The following ANAPC13 variants were observed in gnomAD, a reference collection of about 807,000 sequenced individuals.
ANAPC13 encodes the protein anaphase promoting complex subunit 13, also known as anaphase-promoting complex subunit 13.
Under a neutral mutation model 9.6 loss-of-function variants are expected in ANAPC13, and 9 were observed. The observed-to-expected ratio is 0.94, with a 90% CI of 0.57 to 1.64. The LOEUF (loss-of-function observed/expected upper bound fraction) is 1.64, where lower values mean the gene tolerates loss of function less well. Among genes scored for constraint, ANAPC13 ranks in the 40% most tolerant of loss-of-function variants. The probability of loss-of-function intolerance (pLI) is 0.00; values close to 1 mark genes in which losing one functional copy is unlikely to be tolerated. For synonymous variants in ANAPC13, 30 were observed against 29.7 expected (o/e 1.01, Z -0.03); for missense variants, 75 against 85.3 (o/e 0.88, Z 0.48).
Position 134,478,050 on chromosome 3 carries a change from T to C in ANAPC13, c.*540A>G, listed in dbSNP as rs1203438248. 3 of 152,328 alleles carry C rather than the reference T, an allele frequency of 2.0e-5. No individual in the cohort carries two copies. The highest frequency in any genetic ancestry group is 7.2e-5 in the African/African-American group (3 of 41,468). The allele number at this position is 152,328 out of a possible 1,614,324, so 9.4% of individuals were successfully genotyped here. On this transcript the variant is annotated 3_prime_UTR_variant, in exon 3 of 3. Transcript: ENST00000354910. ...AACAGAGATTAACTGTCAGATATCT[T>C]TCTAATCTGTAAATTTATCCAAAGT...
intron 1 of ANAPC13, among the ~76,000 whole-genome samples, chr3:134,484,505 C>T (rs6772896): frequency 0.68 from 104,186 of 152,150 alleles, 35,946 homozygotes; most frequent in East Asian, 0.82. Context: ...AAAGGGTTTA[C>T]ACCCCCATGA....
At chr3:134,478,760 T>C in intron 2 of ANAPC13, 45 bp from the exon 3 acceptor site, 1 of 1,606,572 alleles carries the variant, frequency 6.2e-7, no homozygotes, top group Non-Finnish European at 8.5e-7. Context: ...ATATTCTGCA[T>C]CTTCTTGGAA....
chr3:134,480,591 G>A (rs912874050), intron 2 of ANAPC13, among the ~76,000 whole-genome samples: 6 of 152,210 alleles, frequency 3.9e-5, no homozygotes, highest in Non-Finnish European at 5.9e-5. Flanking sequence ...AAGCTCTGCC[G>A]TTTCCTCTCA....
intron 1 of ANAPC13, chr3:134,483,347 T>G (rs1168770960): frequency 6.1e-6 from 1 of 165,040 alleles, no homozygotes; most frequent in Non-Finnish European, 1.3e-5. Context: ...CTCAGCATTC[T>G]TAGGCACAGG....
chr3:134,481,209 G>A, intron 2 of ANAPC13, among the ~76,000 whole-genome samples: 1 of 152,202 alleles, frequency 6.6e-6, no homozygotes, highest in East Asian at 1.9e-4. Flanking sequence ...AGCCAAATCT[G>A]AGCATAGCAG....
intron 2 of ANAPC13, among the ~76,000 whole-genome samples, chr3:134,481,700 A>G (rs1354489100): frequency 6.6e-6 from 1 of 152,244 alleles, no homozygotes; most frequent in East Asian, 1.9e-4. Context: ...GAATGAATGA[A>G]CAGAAGTTCA....
rs1934650550 is a variant in ANAPC13, at chr3:134,478,054, A to C, written c.*536T>G. 1 of 152,326 alleles carries C rather than the reference A, an allele frequency of 6.6e-6. No homozygotes were observed. The highest frequency in any genetic ancestry group is 1.5e-5 in the Non-Finnish European group (1 of 68,104). 9.4% of individuals were successfully genotyped at this position (152,326 alleles called of 1,614,324 possible). A position where few individuals can be genotyped will look rare whatever the true frequency, so the allele number is the denominator to read the frequency against. On this transcript the variant is annotated 3_prime_UTR_variant, in exon 3 of 3. Transcript: ENST00000354910. ...GAGATTAACTGTCAGATATCTTTCT[A>C]ATCTGTAAATTTATCCAAAGTTTGA...
intron 2 of ANAPC13, 28 bp from the exon 3 acceptor site, chr3:134,478,743 C>T (rs1559829058): frequency 6.2e-7 from 1 of 1,612,798 alleles, no homozygotes; most frequent in East Asian, 2.2e-5. Flanking sequence ...AAATTCAGAA[C>T]AGTAATATAT....
Position 134,483,613 on chromosome 3 carries a change from C to A in ANAPC13, c.-27-682G>T, listed in dbSNP as rs544937415. Among the ~76,000 whole-genome samples the A allele has an allele frequency of 9.2e-5, 14 of 152,338 alleles. No individual in the cohort carries two copies. The South Asian group carries it at 2.9e-3, about 32-fold the overall frequency. On this transcript the variant is annotated intron_variant, in intron 1 of 2. Transcript: ENST00000354910. ...TAGCTCCTTGACCATGGCTGATTCC[C>A]CATTTTTCTCTGAAACTGCTATAAT...
At chr3:134,485,991 G>GCCCCCCCCCCC (rs5852785), upstream of ANAPC13, 169 of 940,368 alleles carry the variant, frequency 1.8e-4, 5 homozygotes, top group African/African-American at 1.8e-3. Context: ...CTCCTGCCAC[G>GCCCCCCCCCCC]CCCCCCCCCC....
At chr3:134,481,342 C>A (rs1934729805) in intron 2 of ANAPC13, among the ~76,000 whole-genome samples, 1 of 152,202 alleles carries the variant, frequency 6.6e-6, no homozygotes, top group South Asian at 2.1e-4. Flanking sequence ...CAAATGTATT[C>A]TTCATCCACA....
rs1934767390 is a variant in ANAPC13, at chr3:134,482,837, T to C, written c.68A>G (p.Lys23Arg). ...DLIDDAWRED[K>R]LPYEDVAIPL... ...TATTGCGACATCCTCATAAGGCAGC[T>C]TGTCTTCTCGCCAAGCATCATCAAT... is the stretch of plus-strand genomic sequence containing the variant. The change falls in exon 2 of 3, where the codon AAG (lysine) becomes AGG (arginine). Residue 23 changes from lysine (K) to arginine (R), a missense_variant. By Grantham distance (26) the Lys-to-Arg change is conservative. Coordinates refer to ENST00000354910, the MANE Select transcript of ANAPC13 (RefSeq NM_015391.4). 1 of 1,614,212 alleles carries C rather than the reference T, an allele frequency of 6.2e-7. No homozygotes were observed. The highest frequency in any genetic ancestry group is 8.5e-7 in the Non-Finnish European group (1 of 1,180,034).
intron 1 of ANAPC13, among the ~76,000 whole-genome samples, chr3:134,484,000 C>T (rs977717447): frequency 6.6e-5 from 10 of 152,186 alleles, no homozygotes; most frequent in African/African-American, 2.4e-4. Context: ...TTCGCATAGT[C>T]CAGTTTAGTG....
intron 2 of ANAPC13, among the ~76,000 whole-genome samples, chr3:134,480,035 A>G (rs1194356603): frequency 6.6e-6 from 1 of 152,254 alleles, no homozygotes; most frequent in East Asian, 1.9e-4. Flanking sequence ...CTCTAAAATT[A>G]TGCTCAATAT....
chr3:134,480,383 A>C (rs1340032002), intron 2 of ANAPC13, among the ~76,000 whole-genome samples: 3 of 152,222 alleles, frequency 2.0e-5, no homozygotes, highest in Non-Finnish European at 4.4e-5. Context: ...ATATGCCTGG[A>C]AAACAAAAAC....
intron 1 of ANAPC13, 176 bp from the exon 2 acceptor site, chr3:134,483,107 A>G (rs1934775870): frequency 5.0e-6 from 3 of 599,528 alleles, no homozygotes; most frequent in East Asian, 2.8e-5. Flanking sequence ...CAACTGATAC[A>G]TATTTTATAG....
chr3:134,484,309 G>A (rs1379201088), intron 1 of ANAPC13, among the ~76,000 whole-genome samples: 3 of 152,148 alleles, frequency 2.0e-5, no homozygotes, highest in Non-Finnish European at 4.4e-5. Context: ...GAACCTGGGA[G>A]GCGGAGCTTG....
chr3:134,484,533 G>A (rs16841703), intron 1 of ANAPC13, among the ~76,000 whole-genome samples: 1 of 152,238 alleles, frequency 6.6e-6, no homozygotes, highest in Non-Finnish European at 1.5e-5. Flanking sequence ...CTCGGCAAAA[G>A]TTAAGCAAAA....
chr3:134,485,815 C>A, intron 1 of ANAPC13, 137 bp downstream of exon 1: 1 of 219,122 alleles, frequency 4.6e-6, no homozygotes, highest in Non-Finnish European at 7.7e-6. Context: ...CCTCCCGACA[C>A]GAGTGCAGTA....
Sources: gnomAD v4.1 joint callset for allele counts (sites outside exome capture counted in the v4.1 genomes callset) on GRCh38, gnomAD v4.1.1 for gene constraint, MANE v1.5 for transcripts, NCBI Gene and HGNC (gene_info 2026-07-23, HGNC 2026-07-21) for gene names.